Variants in ATP6V1C2 observed in about 807,000 individuals in gnomAD.
ATP6V1C2 encodes the protein V-type proton ATPase subunit C 2.
ATP6V1C2 carries 45 observed loss-of-function variants against 56.8 expected under a neutral mutation model. That is an observed-to-expected ratio of 0.79 (90% CI 0.62 to 1.02). The LOEUF (loss-of-function observed/expected upper bound fraction) is 1.02. ATP6V1C2 is among the 50% of genes least tolerant of loss of function. ATP6V1C2 has a pLI of 0.00. For missense variants in ATP6V1C2, 463 were observed against 519.7 expected (o/e 0.89, Z 1.06); for synonymous variants, 220 against 201.3 (o/e 1.09, Z -0.79).
rs1404667568 is a variant in ATP6V1C2 at position 10,772,519 on chromosome 2, G to A, written c.570-23G>A. ...ACGAGCCTTTTCTGCAAAAAATCAC[G>A]TAACGATTCTATGTTCTTGCAGACC... On this transcript the variant is annotated intron_variant, in intron 7 of 13. Transcript: ENST00000272238. 21 of 1,607,386 alleles carry A rather than the reference G, an allele frequency of 1.3e-5. No homozygotes were observed. In the East Asian group the frequency reaches 1.3e-4, roughly 10 times the overall value.
Position 10,774,991 on chromosome 2 carries a change from G to A in ATP6V1C2, c.745G>A (p.Glu249Lys), listed in dbSNP as rs1417106963. The A allele has an allele frequency of 6.2e-7, 1 of 1,614,174 alleles. No individual in the cohort carries two copies. Among genetic ancestry groups the A allele is most frequent in the South Asian group, 1.1e-5 (1 of 91,086 alleles). ...GCTTGTTTTAAGGTTCACTGTTCGT[G>A]AATTTTACTATGATGAGAAGGAAAT... ...KAKENKFTVR[E>K]FYYDEKEIER... is the part of the protein sequence containing the mutation. The change falls in exon 10 of 14, where the codon GAA becomes AAA. Residue 249 changes from glutamate (E) to lysine (K), a missense_variant. Coordinates refer to ENST00000272238, the MANE Select transcript of ATP6V1C2 (RefSeq NM_001039362.2).
intron 4 of ATP6V1C2, among the ~76,000 whole-genome samples, chr2:10,761,475 G>A (rs1470902953): frequency 6.6e-6 from 1 of 152,128 alleles, no homozygotes; most frequent in African/African-American, 2.4e-5. Flanking sequence ...CCCCGGGCCT[G>A]TACCCTTGCT....
At chr2:10,728,426 T>TTAGA (rs1661763096) in intron 3 of ATP6V1C2, among the ~76,000 whole-genome samples, 1 of 152,208 alleles carries the variant, frequency 6.6e-6, no homozygotes, top group African/African-American at 2.4e-5. Flanking sequence ...ATTCTGCATC[T>TTAGA]TGCATTTTAG....
intron 4 of ATP6V1C2, among the ~76,000 whole-genome samples, chr2:10,755,918 T>A (rs182192590): frequency 1.3e-5 from 2 of 152,350 alleles, no homozygotes; most frequent in African/African-American, 2.4e-5. Context: ...TTTGGCCCAT[T>A]AACTGTGTGC....
chr2:10,767,047 A>G (rs1308779990), intron 5 of ATP6V1C2, among the ~76,000 whole-genome samples: 2 of 152,178 alleles, frequency 1.3e-5, no homozygotes, highest in African/African-American at 2.4e-5. Flanking sequence ...ATTATTATAA[A>G]AAGATGCATT....
chr2:10,724,831 C>G (rs1208056725), intron 2 of ATP6V1C2, among the ~76,000 whole-genome samples: 1 of 152,084 alleles, frequency 6.6e-6, no homozygotes, highest in African/African-American at 2.4e-5. Flanking sequence ...TGCCACCATG[C>G]CTGGCTAGTT....
intron 10 of ATP6V1C2, among the ~76,000 whole-genome samples, chr2:10,776,906 G>A (rs1665027830): frequency 6.6e-6 from 1 of 152,240 alleles, no homozygotes; most frequent in South Asian, 2.1e-4. Flanking sequence ...GGCGGGAGGT[G>A]GAGGCACTCT....
At chr2:10,775,179 T>G in intron 10 of ATP6V1C2, 108 bp downstream of exon 10, 1 of 851,010 alleles carries the variant, frequency 1.2e-6, no homozygotes, top group Non-Finnish European at 1.9e-6. Context: ...GTCCCCAGGC[T>G]CCTGGGCTCA....
intron 10 of ATP6V1C2, among the ~76,000 whole-genome samples, chr2:10,777,146 T>C (rs1292846729): frequency 2.6e-5 from 4 of 152,146 alleles, no homozygotes; most frequent in African/African-American, 9.7e-5. Flanking sequence ...GCCCAACTCA[T>C]CTCCTGCACT....
rs1299462878 is a variant in ATP6V1C2, at chr2:10,783,898, G to T, written c.*635G>T. ...AATATTTTATTCTTTAATGGAAAAA[G>T]CCATTAATATTCAAATGAAGGGATC... On this transcript the variant is annotated 3_prime_UTR_variant, in exon 14 of 14. Transcript: ENST00000272238. The T allele has an allele frequency of 5.9e-6, 1 of 170,332 alleles. No homozygotes were observed. Among genetic ancestry groups the T allele is most frequent in the Non-Finnish European group, 1.2e-5 (1 of 80,262 alleles). The allele number at this position is 170,332 out of a possible 1,614,324, so 10.6% of individuals were successfully genotyped here.
chr2:10,723,032 G>A (rs1661448229), intron 2 of ATP6V1C2, 54 bp downstream of exon 2: 1 of 1,602,618 alleles, frequency 6.2e-7, no homozygotes, highest in Admixed American at 1.7e-5. Flanking sequence ...GGGGAGACAG[G>A]AGAGGGAGAC....
At chr2:10,765,912 A>G (rs1664188919) in intron 5 of ATP6V1C2, among the ~76,000 whole-genome samples, 1 of 152,180 alleles carries the variant, frequency 6.6e-6, no homozygotes, top group African/African-American at 2.4e-5. Context: ...GCACCCCTAG[A>G]GTGCCTTTGG....
chr2:10,750,644 G>C (rs1663156088), intron 3 of ATP6V1C2, among the ~76,000 whole-genome samples: 1 of 152,208 alleles, frequency 6.6e-6, no homozygotes, highest in South Asian at 2.1e-4. Flanking sequence ...GAAACAAGTA[G>C]GGGTGCCAGA....
chr2:10,742,373 G>C (rs1028450942), intron 3 of ATP6V1C2, among the ~76,000 whole-genome samples: 15 of 152,302 alleles, frequency 9.8e-5, no homozygotes, highest in Admixed American at 1.3e-4. Context: ...CTGGAGGTGG[G>C]AGACCCAACC....
chr2:10,727,389 G>GAA (rs34111959), intron 3 of ATP6V1C2, among the ~76,000 whole-genome samples: 27 of 116,554 alleles, frequency 2.3e-4, no homozygotes, highest in Non-Finnish European at 3.2e-4. Context: ...TTGTTTCTAA[G>GAA]AAAAAAAAAA....
intron 10 of ATP6V1C2, 148 bp downstream of exon 10, chr2:10,775,219 C>T (rs936142432): frequency 3.6e-5 from 24 of 670,850 alleles, no homozygotes; most frequent in Admixed American, 1.9e-4. Context: ...TCTCATGGGA[C>T]GCCTGAGCAG....
intron 4 of ATP6V1C2, among the ~76,000 whole-genome samples, chr2:10,756,309 G>A (rs559384464): frequency 2.0e-5 from 3 of 152,202 alleles, no homozygotes; most frequent in Non-Finnish European, 2.9e-5. Context: ...GCTGTGAGCC[G>A]AGATCGCACC....
intron 10 of ATP6V1C2, among the ~76,000 whole-genome samples, chr2:10,776,655 T>C (rs753587157): frequency 6.6e-6 from 1 of 152,214 alleles, no homozygotes; most frequent in African/African-American, 2.4e-5. Context: ...GCAGTATCTC[T>C]GGACGGGGCT....
intron 6 of ATP6V1C2, among the ~76,000 whole-genome samples, chr2:10,770,770 G>A (rs756303415): frequency 2.5e-4 from 38 of 152,202 alleles, no homozygotes; most frequent in African/African-American, 8.0e-4. Context: ...AGGGATGAAC[G>A]TTTCTAACTC....
Sources: allele counts gnomAD v4.1 joint callset (sites outside exome capture counted in the v4.1 genomes callset), GRCh38; gene constraint gnomAD v4.1.1; transcripts MANE v1.5; gene names NCBI Gene and HGNC (gene_info 2026-07-23, HGNC 2026-07-21).